The following MCF2L variants were observed in gnomAD, a reference collection of about 807,000 sequenced individuals.
MCF2L encodes MCF.2 cell line derived transforming sequence like, also known as guanine nucleotide exchange factor DBS.
In MCF2L, 97 loss-of-function variants were observed where a neutral mutation model predicts 153.4. The ratio of observed to expected loss-of-function variants is 0.63; its 90% CI spans 0.54 to 0.75. The LOEUF (loss-of-function observed/expected upper bound fraction) is 0.75. MCF2L is among the 30% of genes least tolerant of loss of function. The pLI is 0.00. For missense variants in MCF2L, 1,347 were observed against 1,495.2 expected, an observed-to-expected ratio of 0.90 and a Z score of 1.64; for synonymous variants, 659 against 632.2, an observed-to-expected ratio of 1.04 and a Z score of -0.64.
intron 4 of MCF2L, among the ~76,000 whole-genome samples, chr13:113,047,515 A>G (rs1238187704): frequency 6.6e-6 from 1 of 152,266 alleles, no homozygotes; most frequent in African/African-American, 2.4e-5. Flanking sequence ...TGCTCCCAGC[A>G]GGCACGTCGT....
chr13:112,903,404 C>T (rs1395084062), intron 2 of MCF2L, among the ~76,000 whole-genome samples: 2 of 152,224 alleles, frequency 1.3e-5, no homozygotes, highest in Non-Finnish European at 2.9e-5. Flanking sequence ...AGGGCTGGTG[C>T]CCAGGAATTC....
intron 26 of MCF2L, chr13:113,090,801 GAAAC>G (rs967395551): frequency 1.0e-4 from 99 of 985,308 alleles, no homozygotes; most frequent in African/African-American, 1.2e-4. Context: ...CCTGAGACTT[GAAAC>G]AAACAAACAA....
intron 4 of MCF2L, among the ~76,000 whole-genome samples, chr13:113,060,158 T>C (rs1004755589): frequency 1.3e-5 from 2 of 152,040 alleles, no homozygotes; most frequent in African/African-American, 4.8e-5. Flanking sequence ...ACCAGCAAAT[T>C]CTCTGGGAGC....
intron 1 of MCF2L, among the ~76,000 whole-genome samples, chr13:112,980,623 A>T (rs3011549): frequency 4.3e-5 from 6 of 140,306 alleles, no homozygotes; most frequent in Non-Finnish European, 7.9e-5. Flanking sequence ...AGAGCCTCTC[A>T]GGCTGCCGCC....
At chr13:113,091,441 G>A (rs1163602718) in intron 26 of MCF2L, among the ~76,000 whole-genome samples, 2 of 152,238 alleles carry the variant, frequency 1.3e-5, no homozygotes, top group Admixed American at 6.5e-5. Flanking sequence ...CCACCCCGTC[G>A]GTGGCTGCTG....
chr13:113,096,325 G>A (rs760371100), intron 27 of MCF2L, 46 bp from the exon 28 acceptor site: 4 of 1,419,362 alleles, frequency 2.8e-6, no homozygotes, highest in East Asian at 5.0e-5. Flanking sequence ...GGCTGCTGCC[G>A]GGGCGGGTGC....
intron 2 of MCF2L, among the ~76,000 whole-genome samples, chr13:112,945,529 T>A (rs1211988826): frequency 6.6e-6 from 1 of 152,268 alleles, no homozygotes; most frequent in African/African-American, 2.4e-5. Context: ...GATCTTTTTT[T>A]ATGAGATTTG....
chr13:112,988,209 A>G (rs1465776763), intron 1 of MCF2L, among the ~76,000 whole-genome samples: 1 of 148,828 alleles, frequency 6.7e-6, no homozygotes, highest in African/African-American at 2.5e-5. Flanking sequence ...CCCGGGATGC[A>G]TGATGCTCTC....
chr13:112,919,058 T>C (rs4907563), intron 2 of MCF2L, among the ~76,000 whole-genome samples: 23,668 of 152,218 alleles, frequency 0.16, 1,906 homozygotes, highest in East Asian at 0.17. Flanking sequence ...TCTCTTACTA[T>C]TCCTTCATTC....
chr13:113,008,345 G>C (rs1452406055), intron 1 of MCF2L, among the ~76,000 whole-genome samples: 1 of 148,604 alleles, frequency 6.7e-6, no homozygotes, highest in Admixed American at 6.8e-5. Flanking sequence ...CGGTAATGTT[G>C]TGAGTGGCTG....
chr13:113,018,753 C>T (rs1048424353), intron 2 of MCF2L, among the ~76,000 whole-genome samples: 4 of 152,226 alleles, frequency 2.6e-5, no homozygotes, highest in African/African-American at 9.6e-5. Context: ...GACTTGCCAC[C>T]GGTGAAAACC....
intron 2 of MCF2L, among the ~76,000 whole-genome samples, chr13:113,019,198 G>T (rs1010272978): frequency 2.6e-5 from 4 of 152,196 alleles, no homozygotes; most frequent in Non-Finnish European, 2.9e-5. Context: ...CAGCTGAGCC[G>T]CAGTTCTCAG....
intron 1 of MCF2L, among the ~76,000 whole-genome samples, chr13:112,980,495 G>T (rs931048337): frequency 2.0e-5 from 3 of 152,222 alleles, no homozygotes; most frequent in Non-Finnish European, 4.4e-5. Context: ...GATGGGCGGC[G>T]GCTGGGCATT....
chr13:113,028,951 T>G lies in MCF2L; in HGVS notation c.278+4193T>G, dbSNP rs959523238. Among the ~76,000 whole-genome samples, 4 of 150,590 alleles carry G rather than the reference T, an allele frequency of 2.7e-5. No individual in the cohort carries two copies. Among genetic ancestry groups the G allele is most frequent in the Admixed American group, 1.3e-4 (2 of 15,084 alleles). ...AGTGGTGTGTGTGGTATGTGTGGAC[T>G]ATGTGAGGCATGTGTGGGGTGAGTG... On this transcript the variant is annotated intron_variant, in intron 3 of 29. Transcript: ENST00000535094. This position sits in a 1 kb window ranked among gnomAD's most constrained non-coding sequence, Gnocchi z 5.4.
intron 1 of MCF2L, among the ~76,000 whole-genome samples, chr13:112,901,228 A>G (rs1040626951): frequency 5.3e-5 from 8 of 152,098 alleles, no homozygotes; most frequent in African/African-American, 1.9e-4. Flanking sequence ...ATCTCAGCTC[A>G]CTGCAACCTC....
At chr13:112,999,503 G>A (rs553110958) in intron 1 of MCF2L, among the ~76,000 whole-genome samples, 7 of 152,248 alleles carry the variant, frequency 4.6e-5, no homozygotes, top group South Asian at 2.1e-4. Context: ...CCTCTTTTTC[G>A]GCTGATCTTT....
rs139867069 is a variant in MCF2L, at chr13:112,998,169, T to A, written c.80-16594T>A. ...TAGACACGGTCATTCATGTAATTTC[T>A]AGGCACATTTGTAAAGCACAACACA... is the stretch of plus-strand genomic sequence containing the variant. On this transcript the variant is annotated intron_variant, in intron 1 of 29. Coordinates refer to ENST00000535094, the MANE Select transcript of MCF2L (RefSeq NM_001112732.3). 1.2e-3 allele frequency among the ~76,000 whole-genome samples: 184 copies of A among 152,374 alleles called. 1 individual carries two copies. Among genetic ancestry groups the A allele is most frequent in the African/African-American group, 4.2e-3 (176 of 41,588 alleles).
rs2081594914 is a variant in MCF2L, at chr13:112,943,282, C to A, written c.169+40911C>A. Among the ~76,000 whole-genome samples the A allele has an allele frequency of 6.6e-6, 1 of 152,030 alleles. No individual in the cohort carries two copies. The highest frequency in any genetic ancestry group is 2.1e-4 in the South Asian group (1 of 4,828). On this transcript the variant is annotated intron_variant, in intron 2 of 29. Transcript: ENST00000375608. The surrounding 1 kb of genome is among the most constrained non-coding windows in gnomAD (Gnocchi z 4.2). ...GCGGCGCCTGTGCTGAGTCCCGACGCTGTGCGCCCCACTCCCGAGGCTGTG... is the reference window on the plus strand; with the variant it reads ...GCGGCGCCTGTGCTGAGTCCCGACGATGTGCGCCCCACTCCCGAGGCTGTG...
intron 2 of MCF2L, chr13:112,909,152 G>A (rs555812633): frequency 1.3e-5 from 10 of 762,214 alleles, no homozygotes; most frequent in South Asian, 1.2e-4. Context: ...ATCCGCTTCT[G>A]GGTTAAGTCC....
Sources: allele counts gnomAD v4.1 joint callset (sites outside exome capture counted in the v4.1 genomes callset), GRCh38; gene constraint gnomAD v4.1.1; non-coding constraint Gnocchi (gnomAD v3.1); transcripts MANE v1.5; gene names NCBI Gene and HGNC (gene_info 2026-07-23, HGNC 2026-07-21).